Variants in IBTK observed in about 807,000 individuals in gnomAD.
IBTK encodes the protein inhibitor of Bruton tyrosine kinase.
A neutral mutation model predicts 154.9 loss-of-function variants in IBTK; 83 were observed. The ratio of observed to expected loss-of-function variants is 0.54; its 90% CI spans 0.45 to 0.64. IBTK has a LOEUF of 0.64. Among genes scored for constraint, IBTK ranks in the 30% least tolerant of loss-of-function variants. IBTK has a pLI of 0.00. For missense variants in IBTK, 1,332 were observed against 1,584.6 expected (o/e 0.84, Z 2.71); for synonymous variants, 515 against 536.1 (o/e 0.96, Z 0.54).
intron 25 of IBTK, among the ~76,000 whole-genome samples, chr6:82,185,184 GAAA>G (rs1196015823): frequency 7.9e-5 from 3 of 37,816 alleles, no homozygotes; most frequent in Admixed American, 3.2e-4. Context: ...CTCTGTCTCA[GAAA>G]AAAAAAAAAA....
At chr6:82,212,954 C>A (rs750847882) in intron 12 of IBTK, among the ~76,000 whole-genome samples, 161 bp from the exon 13 acceptor site, 11 of 152,122 alleles carry the variant, frequency 7.2e-5, no homozygotes, top group Non-Finnish European at 1.2e-4. Flanking sequence ...CATACTTTTT[C>A]TTCCATTTTA....
At chr6:82,242,942 A>C (rs1448815557) in intron 1 of IBTK, among the ~76,000 whole-genome samples, 1 of 148,108 alleles carries the variant, frequency 6.8e-6, no homozygotes, top group Non-Finnish European at 1.5e-5. Context: ...TCTCAAAAAC[A>C]AAACAAAACA....
In IBTK at chr6:82,218,024, C is replaced by T. The variant is rs148884674; in HGVS notation, c.1362G>A (p.Thr454=). The stretch of plus-strand genomic sequence containing the variant: ...TCCCTCTAAATCCTTCTCCATCTTG[C>T]GTAACAAATAGAATTTCATTTCTAT... The part of the protein sequence containing the change: ...ALNRNEILFV[T]QDGEGFRGRW... Residue 454 remains threonine (T), a synonymous_variant, in exon 10 of 29, where the codon ACG becomes ACA. Transcript: ENST00000306270. The T allele has an allele frequency of 1.9e-4, 305 of 1,611,842 alleles. No individual in the cohort carries two copies. Among genetic ancestry groups the T allele is most frequent in the Non-Finnish European group, 2.3e-4 (268 of 1,178,946 alleles).
chr6:82,225,449 C>T (rs1770259517), intron 6 of IBTK, 28 bp downstream of exon 6: 4 of 1,574,220 alleles, frequency 2.5e-6, no homozygotes, highest in Non-Finnish European at 3.5e-6. Flanking sequence ...AAATGTAAAA[C>T]CTTATTATTT....
At chr6:82,220,937 T>TACACAC (rs57358110) in intron 8 of IBTK, among the ~76,000 whole-genome samples, 17,416 of 129,918 alleles carry the variant, frequency 0.13, 1,412 homozygotes, top group East Asian at 0.26. Flanking sequence ...TGACTTTACC[T>TACACAC]ACACACACAC....
chr6:82,225,797 A>C (rs1190167616), intron 5 of IBTK, 150 bp from the exon 6 acceptor site: 6 of 588,756 alleles, frequency 1.0e-5, no homozygotes, highest in African/African-American at 3.9e-5. Context: ...ATTTCAGCAA[A>C]GGGTAGATGA....
At position 82,214,639 on chromosome 6, in the gene IBTK, T is replaced by C. The variant is rs530971874; in HGVS notation, c.1792A>G (p.Asn598Asp). Residue 598 changes from asparagine (N) to aspartate (D), a missense_variant, in exon 12 of 29, where the codon AAT (asparagine) becomes GAT (aspartate). Physicochemically the swap from Asn to Asp is conservative, Grantham distance 23. Coordinates refer to ENST00000306270, the MANE Select transcript of IBTK (RefSeq NM_015525.4). ...TAAATATCTGTAAATTCTGAAGTAT[T>C]ACCATCTGAAAGAAACAATTTCTGA... ...FFQKLFLSDGNTSEFTDIYQK... is the reference protein window; with the variant it reads ...FFQKLFLSDGDTSEFTDIYQK... 1 of 1,614,006 alleles carries C rather than the reference T, an allele frequency of 6.2e-7. No homozygotes were observed. Among genetic ancestry groups the C allele is most frequent in the Non-Finnish European group, 8.5e-7 (1 of 1,179,938 alleles).
chr6:82,234,421 C>T (rs992288512), intron 2 of IBTK, among the ~76,000 whole-genome samples, 166 bp from the exon 3 acceptor site: 2 of 151,898 alleles, frequency 1.3e-5, no homozygotes, highest in Admixed American at 6.6e-5. Context: ...TCACCGCAAC[C>T]TCCACCTCCC....
chr6:82,223,497 G>A lies in IBTK; in HGVS notation c.1067C>T (p.Thr356Ile). Residue 356 changes from threonine to isoleucine, a missense_variant, in exon 8 of 29, where the codon ACC becomes ATC. Coordinates refer to ENST00000306270, the MANE Select transcript of IBTK (RefSeq NM_015525.4). Reference protein sequence around the residue: ...AASDGATVCVTTRGDIYLLAD... With the variant: ...AASDGATVCVITRGDIYLLAD... The stretch of plus-strand genomic sequence containing the variant: ...AAGTAAGTAAATATCTCCCCTTGTG[G>A]TAACACAGACTGTAGCTCCATCACT... The A allele has an allele frequency of 6.2e-7, 1 of 1,614,042 alleles. No individual in the cohort carries two copies. The highest frequency in any genetic ancestry group is 8.5e-7 in the Non-Finnish European group (1 of 1,179,964).
intron 26 of IBTK, among the ~76,000 whole-genome samples, chr6:82,175,786 T>C (rs1368285106): frequency 6.6e-6 from 1 of 152,098 alleles, no homozygotes; most frequent in African/African-American, 2.4e-5. Context: ...TCCCAGCACT[T>C]TGGGAGGCCG....
rs144924582 is a variant in IBTK, at chr6:82,216,255, T to TA, written c.1427-6dup. 3.4e-4 allele frequency: 520 copies of TA among 1,523,692 alleles called. No individual in the cohort carries two copies. The highest frequency in any genetic ancestry group is 2.7e-3 in the Admixed American group (128 of 47,018). The allele number at this position is 1,523,692 out of a possible 1,614,324, so 94.4% of individuals were successfully genotyped here. A position where few individuals can be genotyped will look rare whatever the true frequency, so the allele number is the denominator to read the frequency against. ...TGTGAAGGTTTGATAAAATCTCTGT[T>TA]AAAAAAAAATAAACTACCATTAATC... On this transcript the variant is annotated splice_region_variant and splice_polypyrimidine_tract_variant and intron_variant, in intron 10 of 28. Coordinates refer to ENST00000306270, the MANE Select transcript of IBTK (RefSeq NM_015525.4).
intron 11 of IBTK, among the ~76,000 whole-genome samples, chr6:82,215,437 A>G (rs1769829847): frequency 6.6e-6 from 1 of 152,200 alleles, no homozygotes; most frequent in Non-Finnish European, 1.5e-5. Flanking sequence ...CTGCCTAAGA[A>G]ATATTTATAA....
intron 3 of IBTK, among the ~76,000 whole-genome samples, chr6:82,233,573 A>G (rs1770597590): frequency 6.6e-6 from 1 of 152,192 alleles, no homozygotes; most frequent in Non-Finnish European, 1.5e-5. Context: ...ATGAAACAAA[A>G]AATATCCAAC....
intron 26 of IBTK, chr6:82,175,149 T>C: frequency 3.6e-6 from 1 of 274,450 alleles, no homozygotes; most frequent in Non-Finnish European, 7.3e-6. Flanking sequence ...AATAGTCGTT[T>C]ATGAAAAATT....
intron 16 of IBTK, among the ~76,000 whole-genome samples, chr6:82,207,747 G>T (rs1288121985): frequency 2.0e-5 from 3 of 152,170 alleles, no homozygotes; most frequent in Non-Finnish European, 4.4e-5. Context: ...CAGTGAAATA[G>T]AACTGAAGAG....
At chr6:82,209,473 T>A (rs1179411563) in intron 16 of IBTK, among the ~76,000 whole-genome samples, 1 of 152,168 alleles carries the variant, frequency 6.6e-6, no homozygotes. Context: ...AAAGGTCACA[T>A]GTTGTTTGAT....
At position 82,223,543 on chromosome 6, in the gene IBTK, C is replaced by A; in HGVS notation, c.1021G>T (p.Ala341Ser). 6.2e-7 allele frequency: 1 copy of A among 1,614,068 alleles called. No individual in the cohort carries two copies. Among genetic ancestry groups the A allele is most frequent in the Non-Finnish European group, 8.5e-7 (1 of 1,179,914 alleles). ...QVSALHHKDI[A>S]LSLVAASDGA... ...TCACTTGCAGCAACCAAAGACAGAGCAATGTCTTTATGGTGAAGGGCAGAG... is the reference window on the plus strand; with the variant it reads ...TCACTTGCAGCAACCAAAGACAGAGAAATGTCTTTATGGTGAAGGGCAGAG... The change falls in exon 8 of 29, where the codon GCT (alanine) becomes TCT (serine). Residue 341 changes from alanine (A) to serine (S), a missense_variant. Transcript: ENST00000306270.
At chr6:82,211,340 C>G (rs758986302) in intron 15 of IBTK, 27 bp downstream of exon 15, 1 of 1,570,332 alleles carries the variant, frequency 6.4e-7, no homozygotes, top group African/African-American at 1.4e-5. Flanking sequence ...TAGTTACCAA[C>G]CTAGGCGCTT....
chr6:82,178,765 T>G (rs1400274759), intron 26 of IBTK, among the ~76,000 whole-genome samples: 2 of 152,126 alleles, frequency 1.3e-5, no homozygotes, highest in African/African-American at 4.8e-5. Flanking sequence ...CCCCAGTAAG[T>G]CAGACTTCTC....
Sources: allele counts gnomAD v4.1 joint callset (sites outside exome capture counted in the v4.1 genomes callset), GRCh38; gene constraint gnomAD v4.1.1; transcripts MANE v1.5; gene names NCBI Gene and HGNC (gene_info 2026-07-23, HGNC 2026-07-21).